Variants in ZFHX3 observed in about 807,000 individuals in gnomAD.
ZFHX3 encodes the protein zinc finger homeobox 3.
Under a neutral mutation model 279.1 loss-of-function variants are expected in ZFHX3, and 42 were observed. The ratio of observed to expected loss-of-function variants is 0.15; its 90% CI spans 0.12 to 0.19. ZFHX3 has a LOEUF of 0.19. ZFHX3 is among the 10% of genes least tolerant of loss of function. The pLI, the probability that ZFHX3 is intolerant of heterozygous loss-of-function variation, is 1.00. For missense variants in ZFHX3, 4,981 were observed against 4,754.0 expected (o/e 1.05, Z -1.40); for synonymous variants, 2,293 against 1,957.8 (o/e 1.17, Z -4.52).
At chr16:73,477,919 T>G (rs2018791504) in intron 2 of ZFHX3, among the ~76,000 whole-genome samples, 1 of 152,156 alleles carries the variant, frequency 6.6e-6, no homozygotes, top group Admixed American at 6.5e-5. Context: ...AAAAAGCAGC[T>G]CTCTCTACCT....
chr16:73,090,159 C>T (rs1966055617), intron 8 of ZFHX3, among the ~76,000 whole-genome samples: 1 of 152,134 alleles, frequency 6.6e-6, no homozygotes, highest in African/African-American at 2.4e-5. Flanking sequence ...TTCGGGAGGC[C>T]AAGGTGGGCA....
chr16:73,774,366 T>C (rs2054053181), intron 1 of ZFHX3, among the ~76,000 whole-genome samples: 1 of 152,112 alleles, frequency 6.6e-6, no homozygotes, highest in Admixed American at 6.5e-5. Flanking sequence ...GCTCATCCCT[T>C]TCATGACCAC....
intron 1 of ZFHX3, among the ~76,000 whole-genome samples, chr16:73,744,449 C>A (rs2053686409): frequency 6.6e-6 from 1 of 152,196 alleles, no homozygotes; most frequent in African/African-American, 2.4e-5. Context: ...TTTCAGTAAA[C>A]ATTTTCTCCT....
chr16:72,866,012 G>A (rs973357954), intron 4 of ZFHX3, among the ~76,000 whole-genome samples: 1 of 152,196 alleles, frequency 6.6e-6, no homozygotes. Flanking sequence ...GGAAGCGGGT[G>A]TACTGAGGCT....
intron 4 of ZFHX3, among the ~76,000 whole-genome samples, chr16:73,306,666 A>G (rs1318639646): frequency 6.6e-6 from 1 of 152,180 alleles, no homozygotes. Context: ...ATGCCATCTC[A>G]CTTGGAGATG....
At chr16:73,027,466 C>G (rs75428580) in intron 1 of ZFHX3, among the ~76,000 whole-genome samples, 3,554 of 152,208 alleles carry the variant, frequency 0.023, 66 homozygotes, top group Non-Finnish European at 0.036. Context: ...GAAAACAATG[C>G]CTTTTTATGG....
intron 5 of ZFHX3, among the ~76,000 whole-genome samples, chr16:73,238,917 T>C (rs933810363): frequency 2.6e-5 from 4 of 152,098 alleles, no homozygotes; most frequent in African/African-American, 7.2e-5. Flanking sequence ...AAGAAGCATT[T>C]CTCCCCCGAC....
At chr16:73,543,080 A>T (rs1306067049) in intron 2 of ZFHX3, among the ~76,000 whole-genome samples, 1 of 152,190 alleles carries the variant, frequency 6.6e-6, no homozygotes, top group East Asian at 1.9e-4. Context: ...TCACCACGTG[A>T]GGAGGAGGCT....
chr16:73,525,917 A>C (rs1471726568), intron 2 of ZFHX3, among the ~76,000 whole-genome samples: 2 of 152,204 alleles, frequency 1.3e-5, no homozygotes, highest in Admixed American at 6.5e-5. Flanking sequence ...AGAGCCAGAC[A>C]CACGATTTAC....
intron 3 of ZFHX3, among the ~76,000 whole-genome samples, chr16:72,917,185 G>C (rs1028446045): frequency 6.6e-6 from 1 of 152,192 alleles, no homozygotes; most frequent in Admixed American, 6.5e-5. Flanking sequence ...AGGCTACAGC[G>C]AGCCATGATC....
At position 72,797,483 on chromosome 16, in the gene ZFHX3, T is replaced by TTGC; in HGVS notation, c.5198_5199insGCA (p.Gln1741dup). Reference sequence around the variant, plus strand: ...CTTGTTGTTGTTGTTGTTGTTGTTGTTGTTGCTGTTGCTGCTGCTGTTGTT... The same window carrying TTGC: ...CTTGTTGTTGTTGTTGTTGTTGTTGTTGCTGTTGCTGTTGCTGCTGCTGTTGTT... On this transcript the variant is annotated inframe_insertion, in exon 9 of 10. Transcript: ENST00000268489. 6.3e-7 allele frequency: 1 copy of TTGC among 1,597,382 alleles called. No homozygotes were observed. The highest frequency in any genetic ancestry group is 8.5e-7 in the Non-Finnish European group (1 of 1,172,438).
chr16:73,099,566 C>T lies in ZFHX3; in HGVS notation c.-896-5968G>A, dbSNP rs139810432. Reference sequence around the variant, plus strand: ...TCTTTACTAAAAATACAAAAATTAGCTGGGTGTGGTTGCAGGCACCTTTAA... The same window carrying T: ...TCTTTACTAAAAATACAAAAATTAGTTGGGTGTGGTTGCAGGCACCTTTAA... On this transcript the variant is annotated intron_variant, in intron 7 of 17. Coordinates refer to the ZFHX3 transcript ENST00000641206. Among the ~76,000 whole-genome samples, 512 of 152,046 alleles carry T rather than the reference C, an allele frequency of 3.4e-3. 4 individuals carry two copies. The highest frequency in any genetic ancestry group is 0.011 in the African/African-American group (471 of 41,470).
At position 73,145,053 on chromosome 16, in the gene ZFHX3, G is replaced by A. The variant is rs935846703; in HGVS notation, c.-1103-1222C>T. Among the ~76,000 whole-genome samples the A allele has an allele frequency of 4.6e-5, 7 of 152,152 alleles. No homozygotes were observed. The South Asian group carries it at 1.4e-3, about 32-fold the overall frequency. On this transcript the variant is annotated intron_variant, in intron 5 of 17. Transcript: ENST00000641206. ...AGGAGCAGAACTGTCTGGTGACAACGGCTATCCCTGTGCTGAAAGCCCCCA... is the reference window on the plus strand; with the variant it reads ...AGGAGCAGAACTGTCTGGTGACAACAGCTATCCCTGTGCTGAAAGCCCCCA...
intron 6 of ZFHX3, among the ~76,000 whole-genome samples, chr16:73,138,182 C>A (rs756028925): frequency 2.0e-5 from 3 of 152,186 alleles, no homozygotes; most frequent in Non-Finnish European, 2.9e-5. Flanking sequence ...TAAATGACTA[C>A]ATCTAATGGG....
intron 1 of ZFHX3, among the ~76,000 whole-genome samples, chr16:73,687,979 G>T (rs577901995): frequency 6.6e-6 from 1 of 151,358 alleles, no homozygotes; most frequent in South Asian, 2.1e-4. Flanking sequence ...AACGTAAGAC[G>T]CAAATTCACT....
chr16:73,478,360 C>T lies in ZFHX3; in HGVS notation c.-1546-22102G>A, dbSNP rs577332165. ...AACCCTGGACCCTCAGATTAAAAGT[C>T]TGATGCTCTACCAACTGAGCTATCC... On this transcript the variant is annotated intron_variant, in intron 2 of 17. Transcript: ENST00000641206. Among the ~76,000 whole-genome samples the T allele has an allele frequency of 2.1e-3, 321 of 151,780 alleles. 2 individuals are homozygous for T. Among genetic ancestry groups the T allele is most frequent in the Non-Finnish European group, 2.9e-3 (196 of 67,942 alleles).
chr16:72,920,620 C>T (rs1351977908), intron 3 of ZFHX3, among the ~76,000 whole-genome samples: 3 of 151,638 alleles, frequency 2.0e-5, no homozygotes, highest in African/African-American at 4.8e-5. Flanking sequence ...TAGTGAGACA[C>T]GATGGCACCA....
At chr16:72,806,542 T>C (rs2036273130) in intron 7 of ZFHX3, among the ~76,000 whole-genome samples, 1 of 152,106 alleles carries the variant, frequency 6.6e-6, no homozygotes, top group Non-Finnish European at 1.5e-5. Context: ...GGCTGATTAT[T>C]TTCATTACCT....
At chr16:73,470,508 T>C (rs929481269) in intron 2 of ZFHX3, among the ~76,000 whole-genome samples, 2 of 152,304 alleles carry the variant, frequency 1.3e-5, no homozygotes, top group Non-Finnish European at 2.9e-5. Flanking sequence ...TTAGTGCTAA[T>C]GAGTAACCAA....
Sources: allele counts gnomAD v4.1 joint callset (sites outside exome capture counted in the v4.1 genomes callset), GRCh38; gene constraint gnomAD v4.1.1; transcripts MANE v1.5; gene names NCBI Gene and HGNC (gene_info 2026-07-23, HGNC 2026-07-21).